Variants in ERC2 observed in about 807,000 individuals in gnomAD.
The protein encoded by ERC2 is ELKS/RAB6-interacting/CAST family member 2, also known as ERC protein 2.
A neutral mutation model predicts 114.8 loss-of-function variants in ERC2; 42 were observed. The observed-to-expected ratio is 0.37, with a 90% confidence interval of 0.29 to 0.47. The LOEUF is 0.47. Among genes scored for constraint, ERC2 ranks in the 20% least tolerant of loss-of-function variants. The pLI is 0.99. For synonymous variants in ERC2, 454 were observed against 425.5 expected (o/e 1.07, Z -0.82); for missense variants, 939 against 1,150.7 (o/e 0.82, Z 2.66).
At chr3:55,861,274 G>A (rs919198044) in intron 14 of ERC2, among the ~76,000 whole-genome samples, 3 of 152,238 alleles carry the variant, frequency 2.0e-5, no homozygotes, top group African/African-American at 7.2e-5. Flanking sequence ...ATGAGATTCA[G>A]ATCTACCTTG....
intron 17 of ERC2, among the ~76,000 whole-genome samples, chr3:55,622,594 C>T (rs1449328205): frequency 1.3e-5 from 2 of 151,998 alleles, no homozygotes; most frequent in Non-Finnish European, 2.9e-5. Flanking sequence ...GCTACAGAGA[C>T]ACAGGAATCA....
At chr3:55,690,347 T>C (rs550379830) in intron 16 of ERC2, among the ~76,000 whole-genome samples, 2 of 152,270 alleles carry the variant, frequency 1.3e-5, no homozygotes, top group Admixed American at 1.3e-4. Context: ...AGAGAGGCAA[T>C]GGTGTTTAGC....
At chr3:56,016,757 C>T (rs947663270) in intron 8 of ERC2, among the ~76,000 whole-genome samples, 3 of 152,110 alleles carry the variant, frequency 2.0e-5, no homozygotes, top group Non-Finnish European at 2.9e-5. Context: ...AAATTTGAGG[C>T]CCTGAGAGAG....
intron 13 of ERC2, among the ~76,000 whole-genome samples, chr3:55,907,799 G>A (rs1360403617): frequency 6.6e-6 from 1 of 152,196 alleles, no homozygotes; most frequent in African/African-American, 2.4e-5. Flanking sequence ...GTCATAGCAA[G>A]GACTGGAGAT....
intron 8 of ERC2, among the ~76,000 whole-genome samples, chr3:56,014,899 C>A (rs997188349): frequency 2.0e-5 from 3 of 152,058 alleles, no homozygotes; most frequent in Admixed American, 6.6e-5. Flanking sequence ...CTGCAGAGAG[C>A]TCTGGAAATA....
In ERC2 at chr3:56,139,566, T is replaced by C. The variant is rs770310832; in HGVS notation, c.1416A>G (p.Glu472=). 1.9e-6 allele frequency: 3 copies of C among 1,614,040 alleles called. No homozygotes were observed. Among genetic ancestry groups the C allele is most frequent in the Non-Finnish European group, 1.7e-6 (2 of 1,179,974 alleles). ...NQNSDCKQHI[E]VLKESLTAKE... is the part of the protein sequence containing the mutation. ...TGGCAGTAAGTGACTCTTTGAGCAC[T>C]TCAATGTGTTGCTTGCAATCTGAAT... is the stretch of plus-strand genomic sequence containing the variant. Residue 472 remains glutamate, a synonymous_variant, in exon 6 of 18, where the codon GAA becomes GAG. Coordinates refer to ENST00000288221, the MANE Select transcript of ERC2 (RefSeq NM_015576.3).
At chr3:55,744,732 C>G (rs146180372) in intron 14 of ERC2, among the ~76,000 whole-genome samples, 1 of 152,222 alleles carries the variant, frequency 6.6e-6, no homozygotes, top group Non-Finnish European at 1.5e-5. Flanking sequence ...CTTTCATTTT[C>G]AATAAATCCC....
chr3:55,783,445 T>C (rs1440935945), intron 14 of ERC2, among the ~76,000 whole-genome samples: 1 of 152,244 alleles, frequency 6.6e-6, no homozygotes, highest in Non-Finnish European at 1.5e-5. Context: ...GTTATTTCTC[T>C]GAATCCAACA....
chr3:56,165,241 T>C (rs1365187963), intron 4 of ERC2, among the ~76,000 whole-genome samples: 2 of 144,434 alleles, frequency 1.4e-5, no homozygotes, highest in East Asian at 4.3e-4. Context: ...ACATATATTA[T>C]ATATGTTCTT....
At chr3:55,984,912 C>T (rs760400115) in intron 12 of ERC2, among the ~76,000 whole-genome samples, 2 of 152,120 alleles carry the variant, frequency 1.3e-5, no homozygotes, top group Non-Finnish European at 2.9e-5. Context: ...TAAAGACATG[C>T]CTTGTTTTGA....
chr3:56,134,910 C>CT (rs200683385), intron 6 of ERC2, among the ~76,000 whole-genome samples: 3,864 of 114,228 alleles, frequency 0.034, 93 homozygotes, highest in African/African-American at 0.071. Context: ...AAATCTCTCT[C>CT]TTTTTTTTTG....
At chr3:55,718,677 C>T (rs1408676047) in intron 15 of ERC2, among the ~76,000 whole-genome samples, 1 of 152,150 alleles carries the variant, frequency 6.6e-6, no homozygotes, top group Non-Finnish European at 1.5e-5. Context: ...TCTGCCTGCC[C>T]CTCACAGACT....
intron 14 of ERC2, among the ~76,000 whole-genome samples, chr3:55,762,164 A>G (rs1246066073): frequency 1.3e-5 from 2 of 152,190 alleles, no homozygotes; most frequent in African/African-American, 4.8e-5. Flanking sequence ...ATACACGAAG[A>G]TAGGAGTTGG....
intron 3 of ERC2, among the ~76,000 whole-genome samples, chr3:56,192,777 A>AG (rs2047871548): frequency 6.6e-6 from 1 of 152,176 alleles, no homozygotes; most frequent in African/African-American, 2.4e-5. Context: ...AGCCTGAAGA[A>AG]GGTGACCCAT....
chr3:55,675,951 G>A (rs187361758), intron 17 of ERC2, among the ~76,000 whole-genome samples: 32 of 86,860 alleles, frequency 3.7e-4, no homozygotes, highest in East Asian at 3.0e-3. Context: ...AGAGAGTTTC[G>A]CTCTTGTCGT....
chr3:56,083,882 A>G (rs147042245), intron 6 of ERC2, among the ~76,000 whole-genome samples: 3 of 152,224 alleles, frequency 2.0e-5, no homozygotes, highest in Admixed American at 2.0e-4. Context: ...ACCGAACAAG[A>G]AGAGTTAAAA....
intron 2 of ERC2, among the ~76,000 whole-genome samples, chr3:56,325,341 G>A (rs1166040056): frequency 1.3e-5 from 2 of 152,022 alleles, no homozygotes; most frequent in Non-Finnish European, 2.9e-5. Flanking sequence ...AGCTACTTGG[G>A]AGGCTGAGAC....
At chr3:55,589,979 C>A (rs1256745289) in intron 17 of ERC2, among the ~76,000 whole-genome samples, 1 of 152,116 alleles carries the variant, frequency 6.6e-6, no homozygotes, top group Non-Finnish European at 1.5e-5. Context: ...CTCCCTGCAG[C>A]CTTCAAAAGT....
Position 55,943,704 on chromosome 3 carries a change from A to G in ERC2, c.2403+6721T>C, listed in dbSNP as rs572684247. On this transcript the variant is annotated intron_variant, in intron 13 of 17. Coordinates refer to ENST00000288221, the MANE Select transcript of ERC2 (RefSeq NM_015576.3). ...ATCACCCCACGAAAGCATTTTAGAA[A>G]GCACACAGGACTCTGGCTTAGATGG... 4.6e-5 allele frequency among the ~76,000 whole-genome samples: 7 copies of G among 152,332 alleles called. No individual in the cohort carries two copies. In the South Asian group the frequency reaches 6.2e-4, roughly 14 times the overall value.
Sources: allele counts gnomAD v4.1 joint callset (sites outside exome capture counted in the v4.1 genomes callset), GRCh38; gene constraint gnomAD v4.1.1; transcripts MANE v1.5; gene names NCBI Gene and HGNC (gene_info 2026-07-23, HGNC 2026-07-21).